MEI4: variants seen among roughly 807,000 people sequenced by gnomAD.
MEI4 encodes meiosis-specific protein MEI4.
Under a neutral mutation model 31.4 loss-of-function variants are expected in MEI4, and 27 were observed. The ratio of observed to expected loss-of-function variants is 0.86; its 90% CI spans 0.63 to 1.19. MEI4 has a LOEUF of 1.19. MEI4 is among the 50% of genes most tolerant of loss of function. The pLI is 0.00. For missense variants in MEI4, 329 were observed against 398.9 expected (o/e 0.82, Z 1.49); for synonymous variants, 122 against 145.4 (o/e 0.84, Z 1.16).
At chr6:77,875,165 C>T (rs1240085110) in intron 4 of MEI4, among the ~76,000 whole-genome samples, 12 of 152,164 alleles carry the variant, frequency 7.9e-5, no homozygotes, top group Admixed American at 7.9e-4. Context: ...GATATGTCTC[C>T]ATCTCCTGTT....
intron 4 of MEI4, among the ~76,000 whole-genome samples, chr6:77,921,900 C>A (rs1437520026): frequency 6.6e-6 from 1 of 151,592 alleles, no homozygotes; most frequent in Non-Finnish European, 1.5e-5. Flanking sequence ...TGACTGATTG[C>A]AGATCACTGT....
At chr6:77,865,287 C>A (rs1392525526) in intron 4 of MEI4, among the ~76,000 whole-genome samples, 1 of 152,088 alleles carries the variant, frequency 6.6e-6, no homozygotes, top group East Asian at 1.9e-4. Context: ...ATCAATGAAT[C>A]CAGGAGCTGG....
chr6:77,755,685 G>A (rs186253176), intron 2 of MEI4, among the ~76,000 whole-genome samples: 1 of 151,734 alleles, frequency 6.6e-6, no homozygotes, highest in African/African-American at 2.4e-5. Flanking sequence ...CCATGTGCTG[G>A]GTGTTTATTA....
At chr6:77,846,674 C>T (rs1770494525) in intron 4 of MEI4, among the ~76,000 whole-genome samples, 1 of 152,110 alleles carries the variant, frequency 6.6e-6, no homozygotes, top group African/African-American at 2.4e-5. Flanking sequence ...CCAGTAAAAC[C>T]CATCTTCACT....
At chr6:77,684,065 A>G (rs1441796496) in intron 1 of MEI4, among the ~76,000 whole-genome samples, 1 of 152,110 alleles carries the variant, frequency 6.6e-6, no homozygotes, top group Non-Finnish European at 1.5e-5. Flanking sequence ...AAGCCATTTT[A>G]ACTTGGGTAA....
intron 1 of MEI4, among the ~76,000 whole-genome samples, chr6:77,665,718 G>A (rs1375178432): frequency 1.3e-5 from 2 of 152,168 alleles, no homozygotes; most frequent in Non-Finnish European, 2.9e-5. Flanking sequence ...CAGATAAAAC[G>A]TGTCTCCTTT....
At chr6:77,651,042 G>C (rs529628486), upstream of MEI4, among the ~76,000 whole-genome samples, 26 of 152,314 alleles carry the variant, frequency 1.7e-4, no homozygotes, top group African/African-American at 5.8e-4. Flanking sequence ...GGACCTCACA[G>C]GCTTCAGTTA....
chr6:77,748,057 A>G (rs1159693882), intron 2 of MEI4, among the ~76,000 whole-genome samples: 2 of 152,184 alleles, frequency 1.3e-5, no homozygotes, highest in Non-Finnish European at 2.9e-5. Flanking sequence ...GGCCTTTGGC[A>G]GCTCCGTCAC....
At chr6:77,752,574 G>A (rs1767804105) in intron 2 of MEI4, among the ~76,000 whole-genome samples, 2 of 152,224 alleles carry the variant, frequency 1.3e-5, no homozygotes, top group African/African-American at 4.8e-5. Context: ...TCTCTTCAAG[G>A]AGAACTACAA....
At chr6:77,668,191 A>C (rs1299415204) in intron 1 of MEI4, among the ~76,000 whole-genome samples, 7 of 152,166 alleles carry the variant, frequency 4.6e-5, no homozygotes, top group Non-Finnish European at 1.0e-4. Context: ...AGGAAACTCA[A>C]TATTATGATG....
intron 3 of MEI4, among the ~76,000 whole-genome samples, chr6:77,797,118 G>A (rs1018919058): frequency 6.6e-6 from 1 of 152,110 alleles, no homozygotes; most frequent in Non-Finnish European, 1.5e-5. Flanking sequence ...AAACGGTGTT[G>A]GGAAAATTGG....
At chr6:77,849,120 A>C (rs573619406) in intron 4 of MEI4, among the ~76,000 whole-genome samples, 1 of 152,338 alleles carries the variant, frequency 6.6e-6, no homozygotes, top group African/African-American at 2.4e-5. Context: ...GGAAAGAGTT[A>C]TTTCTGTGAA....
chr6:77,708,960 A>G (rs1766394200), intron 2 of MEI4, among the ~76,000 whole-genome samples: 1 of 152,188 alleles, frequency 6.6e-6, no homozygotes, highest in Non-Finnish European at 1.5e-5. Flanking sequence ...ATTTATAGCA[A>G]CGTAAACAGA....
chr6:77,857,384 G>A (rs1269710457), intron 4 of MEI4, among the ~76,000 whole-genome samples: 6 of 152,110 alleles, frequency 3.9e-5, no homozygotes, highest in Admixed American at 3.9e-4. Context: ...TGGGACATTG[G>A]CTTCATCACA....
At chr6:77,761,938 A>G (rs1452814015) in intron 3 of MEI4, among the ~76,000 whole-genome samples, 1 of 152,100 alleles carries the variant, frequency 6.6e-6, no homozygotes, top group Non-Finnish European at 1.5e-5. Flanking sequence ...GCACCCTTGG[A>G]TTCTTTTATT....
chr6:77,651,823 C>T (rs535376564), upstream of MEI4, among the ~76,000 whole-genome samples: 1 of 152,238 alleles, frequency 6.6e-6, no homozygotes, highest in East Asian at 1.9e-4. Context: ...AAATTGATAA[C>T]CATGAGTATG....
chr6:77,679,668 T>A (rs1272836922), intron 1 of MEI4, among the ~76,000 whole-genome samples: 5 of 152,038 alleles, frequency 3.3e-5, no homozygotes. Flanking sequence ...AGAAGAGGCC[T>A]AGAGACGAAT....
At chr6:77,807,110 CAT>C (rs1343763713) in intron 3 of MEI4, among the ~76,000 whole-genome samples, 1 of 149,710 alleles carries the variant, frequency 6.7e-6, no homozygotes, top group East Asian at 2.0e-4. Flanking sequence ...AGCTTCTTGA[CAT>C]ATGCTATTTC....
intron 4 of MEI4, among the ~76,000 whole-genome samples, chr6:77,851,507 A>G (rs1042127433): frequency 1.3e-5 from 2 of 151,846 alleles, no homozygotes; most frequent in Non-Finnish European, 2.9e-5. Context: ...GCTGGAAACC[A>G]TCATTCTCAA....
Sources: gnomAD v4.1 joint callset for allele counts (sites outside exome capture counted in the v4.1 genomes callset) on GRCh38, gnomAD v4.1.1 for gene constraint, MANE v1.5 for transcripts, NCBI Gene and HGNC (gene_info 2026-07-23, HGNC 2026-07-21) for gene names.